The following CDK12 variants were observed in gnomAD, a reference collection of about 807,000 sequenced individuals.
CDK12 encodes cyclin dependent kinase 12.
In CDK12, 17 loss-of-function variants were observed where a neutral mutation model predicts 133.8. The ratio of observed to expected loss-of-function variants is 0.13; its 90% CI spans 0.09 to 0.19. The LOEUF (loss-of-function observed/expected upper bound fraction) is 0.19, where lower values mean the gene tolerates loss of function less well. Ranked by LOEUF, CDK12 falls within the 10% of genes least tolerant of loss-of-function variation. The pLI, the probability that CDK12 is intolerant of heterozygous loss-of-function variation, is 1.00. For missense variants in CDK12, 1,508 were observed against 1,818.7 expected (o/e 0.83, Z 3.11); for synonymous variants, 694 against 683.6 (o/e 1.02, Z -0.24).
intron 6 of CDK12, among the ~76,000 whole-genome samples, chr17:39,509,301 G>A (rs12936996): frequency 0.63 from 96,047 of 152,096 alleles, 33,013 homozygotes; most frequent in South Asian, 0.89. Context: ...GCCCTCTTAA[G>A]TCTTTCTCAA....
At chr17:39,554,521 G>A (rs1224340510) in intron 2 of CDK12, among the ~76,000 whole-genome samples, 1 of 152,162 alleles carries the variant, frequency 6.6e-6, no homozygotes. Flanking sequence ...CCAGAAAGTG[G>A]ACCAGGAGAA....
intron 2 of CDK12, among the ~76,000 whole-genome samples, chr17:39,473,510 G>T (rs1213409973): frequency 6.6e-6 from 1 of 152,076 alleles, no homozygotes; most frequent in Non-Finnish European, 1.5e-5. Flanking sequence ...GGAAAGCCGA[G>T]GTAGATAAGA....
At chr17:39,478,352 C>T (rs997589036) in intron 2 of CDK12, among the ~76,000 whole-genome samples, 3 of 151,824 alleles carry the variant, frequency 2.0e-5, no homozygotes, top group Non-Finnish European at 2.9e-5. Flanking sequence ...CCACCATATC[C>T]GGATAATTTT....
rs370768796 is a variant in CDK12 at position 39,490,570 on chromosome 17, C to G, written c.1945C>G (p.Leu649Val). ...DDDMDSPKET[L>V]PSKPVKKEKE... ...TTTATTGTTTAGTCCAAAAGAAACT[C>G]TTCCTTCAAAACCTGTGAAGAAAGA... The change falls in exon 3 of 14, where the codon CTT becomes GTT. Residue 649 changes from leucine (L) to valine (V), a missense_variant. By Grantham distance (32) the Leu-to-Val change is conservative. This residue lies in a region of CDK12 where 347 missense variants were observed against 330.8 expected (regional missense o/e 1.05). Transcript: ENST00000447079. 13 of 1,608,552 alleles carry G rather than the reference C, an allele frequency of 8.1e-6. No individual in the cohort carries two copies. Among genetic ancestry groups the G allele is most frequent in the Non-Finnish European group, 1.1e-5 (13 of 1,177,600 alleles).
intron 2 of CDK12, among the ~76,000 whole-genome samples, chr17:39,482,598 C>CGTTTTTTTTTT (rs1440834572): frequency 1.9e-5 from 1 of 53,518 alleles, no homozygotes; most frequent in Non-Finnish European, 5.5e-5. Context: ...CAATCAACTA[C>CGTTTTTTTTTT]ATTTTTTTTT....
rs539211478 is a variant in CDK12 at position 39,522,880 on chromosome 17, C to T, written c.3096-1794C>T. ...GAGCCTGGCCAACATGGTAAAACCCCGTCTCTCCTAAAAATACAAAAAATT... is the reference window on the plus strand; with the variant it reads ...GAGCCTGGCCAACATGGTAAAACCCTGTCTCTCCTAAAAATACAAAAAATT... On this transcript the variant is annotated intron_variant, in intron 11 of 13. Coordinates refer to ENST00000447079, the MANE Select transcript of CDK12 (RefSeq NM_016507.4). 2.7e-3 allele frequency among the ~76,000 whole-genome samples: 412 copies of T among 151,716 alleles called. 1 individual carries two copies. The highest frequency in any genetic ancestry group is 6.9e-3 in the Middle Eastern group (2 of 288).
chr17:39,476,957 A>G (rs1203111508), intron 2 of CDK12, among the ~76,000 whole-genome samples: 1 of 150,702 alleles, frequency 6.6e-6, no homozygotes, highest in African/African-American at 2.4e-5. Context: ...TAAATGATCC[A>G]CCTGCCTCGG....
intron 10 of CDK12, among the ~76,000 whole-genome samples, chr17:39,518,485 C>T (rs1436078862): frequency 6.6e-6 from 1 of 152,044 alleles, no homozygotes; most frequent in Admixed American, 6.5e-5. Context: ...TGCTACCACG[C>T]CTGGCCATGT....
At chr17:39,535,364 G>A (rs1227093365), downstream of CDK12, among the ~76,000 whole-genome samples, 1 of 152,190 alleles carries the variant, frequency 6.6e-6, no homozygotes, top group Non-Finnish European at 1.5e-5. Flanking sequence ...TCAAAAACTG[G>A]TGATGATGAG....
chr17:39,526,551 G>T (rs1256305409), intron 13 of CDK12, among the ~76,000 whole-genome samples: 1 of 152,150 alleles, frequency 6.6e-6, no homozygotes, highest in Non-Finnish European at 1.5e-5. Flanking sequence ...CCTCCTAGGA[G>T]ATAGGTAAGT....
intron 6 of CDK12, among the ~76,000 whole-genome samples, chr17:39,508,213 G>A (rs1449328297): frequency 6.6e-6 from 1 of 152,084 alleles, no homozygotes; most frequent in Non-Finnish European, 1.5e-5. Flanking sequence ...GGGGGGAGAA[G>A]GTTCTGAAAA....
At chr17:39,467,390 G>C (rs116903011) in intron 1 of CDK12, among the ~76,000 whole-genome samples, 2 of 151,954 alleles carry the variant, frequency 1.3e-5, no homozygotes, top group Non-Finnish European at 1.5e-5. Context: ...TTCGGTGAGT[G>C]GGGGGGAAAT....
chr17:39,482,599 A>ATTTTTTTATTT (rs2050801857), intron 2 of CDK12, among the ~76,000 whole-genome samples: 1 of 74,392 alleles, frequency 1.3e-5, no homozygotes, highest in Non-Finnish European at 2.6e-5. Flanking sequence ...AATCAACTAC[A>ATTTTTTTATTT]TTTTTTTTTT....
At chr17:39,467,872 T>C (rs760826372) in intron 1 of CDK12, among the ~76,000 whole-genome samples, 30 of 152,122 alleles carry the variant, frequency 2.0e-4, no homozygotes, top group Non-Finnish European at 3.1e-4. Flanking sequence ...TTTTTAGTCC[T>C]ATTGATTCCA....
chr17:39,529,043 C>A (rs1236624613), intron 13 of CDK12, among the ~76,000 whole-genome samples: 1 of 152,128 alleles, frequency 6.6e-6, no homozygotes, highest in Non-Finnish European at 1.5e-5. Context: ...TTCATTTTCC[C>A]CTGCCACCCT....
chr17:39,462,317 C>A lies in CDK12; in HGVS notation c.246C>A (p.Thr82=). Reference sequence around the variant, plus strand: ...ATGATATCAGCTCTGATTCCGACACCTTCTCCGATGACATGGCCTTCAAAC... The same window carrying A: ...ATGATATCAGCTCTGATTCCGACACATTCTCCGATGACATGGCCTTCAAAC... The part of the protein sequence containing the change: ...EYDDISSDSD[T]FSDDMAFKLD... Residue 82 remains threonine (T), a synonymous_variant, in exon 1 of 14, where the codon ACC becomes ACA. Transcript: ENST00000447079. 1 of 1,614,172 alleles carries A rather than the reference C, an allele frequency of 6.2e-7. No homozygotes were observed. The highest frequency in any genetic ancestry group is 8.5e-7 in the Non-Finnish European group (1 of 1,180,034).
chr17:39,503,350 A>T (rs1271202554), intron 6 of CDK12, among the ~76,000 whole-genome samples: 1 of 152,180 alleles, frequency 6.6e-6, no homozygotes, highest in Non-Finnish European at 1.5e-5. Context: ...TGGTATTACA[A>T]GCGTGAGCCA....
At chr17:39,535,288 G>A (rs1430080255), downstream of CDK12, 3 of 152,222 alleles carry the variant, frequency 2.0e-5, no homozygotes, top group African/African-American at 7.2e-5. Context: ...TGTAAATGGG[G>A]TGAGCAAGTC....
At chr17:39,466,079 G>A (rs529175576) in intron 1 of CDK12, among the ~76,000 whole-genome samples, 106 of 151,932 alleles carry the variant, frequency 7.0e-4, no homozygotes, top group African/African-American at 2.3e-3. Flanking sequence ...AGGCCAAGGC[G>A]GGCAGATCTC....
Sources: gnomAD v4.1 joint callset for allele counts (sites outside exome capture counted in the v4.1 genomes callset) on GRCh38, gnomAD v4.1.1 for gene constraint, gnomAD v4.1.1 regional missense constraint, MANE v1.5 for transcripts, NCBI Gene and HGNC (gene_info 2026-07-23, HGNC 2026-07-21) for gene names.